FAM163A: variants seen among roughly 807,000 people sequenced by gnomAD.
FAM163A encodes the protein protein FAM163A.
A neutral mutation model predicts 12.0 loss-of-function variants in FAM163A; 7 were observed. The observed-to-expected ratio is 0.58, with a 90% CI of 0.33 to 1.10. The LOEUF is 1.10. Among genes scored for constraint, FAM163A ranks in the 50% least tolerant of loss-of-function variants. The pLI is 0.03. For missense variants in FAM163A, 202 were observed against 218.6 expected (o/e 0.92, Z 0.48); for synonymous variants, 101 against 91.0 (o/e 1.11, Z -0.62).
At chr1:179,787,152 A>G (rs1020330569) in intron 1 of FAM163A, among the ~76,000 whole-genome samples, 1 of 152,262 alleles carries the variant, frequency 6.6e-6, no homozygotes, top group African/African-American at 2.4e-5. Flanking sequence ...AACAAGTGGT[A>G]TCAGACCCAA....
Position 179,807,876 on chromosome 1 carries a change from C to T in FAM163A, c.-57C>T, listed in dbSNP as rs1694173333. The T allele has an allele frequency of 6.6e-6, 1 of 152,336 alleles. No homozygotes were observed. The highest frequency in any genetic ancestry group is 2.4e-5 in the African/African-American group (1 of 41,468). The allele number at this position is 152,336 out of a possible 1,614,324, so 9.4% of individuals were successfully genotyped here. A position where few individuals can be genotyped will look rare whatever the true frequency, so the allele number is the denominator to read the frequency against. ...CCCGCGTGACTGAGTCACCGCTGCT[C>T]CAGCTGTTTCACGTAAGTGTAAGGC... On this transcript the variant is annotated 5_prime_UTR_variant, in exon 2 of 5. Transcript: ENST00000341785.
chr1:179,731,378 C>T, the FAM163A span, among the ~76,000 whole-genome samples: 3 of 151,838 alleles, frequency 2.0e-5, no homozygotes, highest in Non-Finnish European at 4.4e-5. Context: ...GCGAACAAAC[C>T]ATTTCTGATG....
At chr1:179,733,320 A>G in the FAM163A span, among the ~76,000 whole-genome samples, 209 of 152,300 alleles carry the variant, frequency 1.4e-3, no homozygotes, top group African/African-American at 4.9e-3. Context: ...TCATTTGCCT[A>G]TTGACCATAT....
chr1:179,785,112 G>A (rs1449645140), intron 1 of FAM163A, among the ~76,000 whole-genome samples: 2 of 152,154 alleles, frequency 1.3e-5, no homozygotes, highest in African/African-American at 2.4e-5. Flanking sequence ...AATTCAGTGC[G>A]TCAGGAAGGC....
In FAM163A at chr1:179,757,732, A is replaced by C. The variant is rs552692524; in HGVS notation, c.-136+14309A>C. Among the ~76,000 whole-genome samples, 4 of 152,332 alleles carry C rather than the reference A, an allele frequency of 2.6e-5. No individual in the cohort carries two copies. In the South Asian group the frequency reaches 8.3e-4, roughly 32 times the overall value. ...GAGGCTGAGGCAGGAGAATCACTTG[A>C]GCCCAGGAGGTGGAGGTTGCAGTGA... is the stretch of plus-strand genomic sequence containing the variant. On this transcript the variant is annotated intron_variant, in intron 1 of 4. Coordinates refer to ENST00000341785, the MANE Select transcript of FAM163A (RefSeq NM_173509.3).
At position 179,765,221 on chromosome 1, in the gene FAM163A, C is replaced by T. The variant is rs79102559; in HGVS notation, c.-136+21798C>T. ...GTTGGCAGGATTGAGGGATGGCAGG[C>T]GGGTGGGATGTGATCTCCAAGTGCA... On this transcript the variant is annotated intron_variant, in intron 1 of 4. Transcript: ENST00000341785. Among the ~76,000 whole-genome samples the T allele has an allele frequency of 6.8e-3, 1,032 of 152,270 alleles. 33 individuals are homozygous for T. Among genetic ancestry groups the T allele is most frequent in the East Asian group, 0.047 (242 of 5,188 alleles).
intron 1 of FAM163A, among the ~76,000 whole-genome samples, chr1:179,785,170 C>A (rs1456355294): frequency 6.6e-6 from 1 of 152,162 alleles, no homozygotes; most frequent in Non-Finnish European, 1.5e-5. Context: ...CAACTCCCAC[C>A]CCCCATTCCT....
rs556499273 is a variant in FAM163A, at chr1:179,762,186, G to A, written c.-136+18763G>A. On this transcript the variant is annotated intron_variant, in intron 1 of 4. Coordinates refer to ENST00000341785, the MANE Select transcript of FAM163A (RefSeq NM_173509.3). ...AGGTCATATAATCGTATCAAGGCAG[G>A]GAGAGATAATCATGTTAGAAACCTA... 2.4e-4 allele frequency among the ~76,000 whole-genome samples: 36 copies of A among 152,312 alleles called. 1 individual carries two copies. Among genetic ancestry groups the A allele is most frequent in the Admixed American group, 1.7e-3 (26 of 15,300 alleles).
chr1:179,796,978 C>T (rs1692416783), intron 1 of FAM163A, among the ~76,000 whole-genome samples: 1 of 152,218 alleles, frequency 6.6e-6, no homozygotes, highest in Non-Finnish European at 1.5e-5. Flanking sequence ...CTGTGTATGA[C>T]ACGGGGGCTC....
intron 1 of FAM163A, among the ~76,000 whole-genome samples, chr1:179,793,635 T>C (rs1691839034): frequency 6.6e-6 from 1 of 152,228 alleles, no homozygotes; most frequent in African/African-American, 2.4e-5. Context: ...TCAGGTGTAA[T>C]GTCATAGCTC....
intron 1 of FAM163A, among the ~76,000 whole-genome samples, chr1:179,764,648 C>A (rs560288383): frequency 6.6e-6 from 1 of 152,138 alleles, no homozygotes; most frequent in South Asian, 2.1e-4. Context: ...GATGGTTGTT[C>A]GCCCTAGAGG....
chr1:179,739,226 G>T (rs1442524566), upstream of FAM163A, among the ~76,000 whole-genome samples: 6 of 151,888 alleles, frequency 4.0e-5, no homozygotes, highest in Non-Finnish European at 8.8e-5. Context: ...AAAAAAATTG[G>T]AGAAAACCTT....
intron 1 of FAM163A, among the ~76,000 whole-genome samples, chr1:179,793,914 A>G (rs3845386): frequency 0.39 from 59,168 of 151,978 alleles, 12,009 homozygotes; most frequent in Middle Eastern, 0.49. Flanking sequence ...TGAGTATGGG[A>G]CATTATTTGT....
intron 1 of FAM163A, among the ~76,000 whole-genome samples, chr1:179,777,651 C>G (rs1051255592): frequency 6.6e-6 from 1 of 152,224 alleles, no homozygotes; most frequent in Non-Finnish European, 1.5e-5. Flanking sequence ...TGTTAGTCCT[C>G]AGACTCCCCT....
At chr1:179,803,942 G>C (rs1485453819) in intron 1 of FAM163A, 2 of 148,096 alleles carry the variant, frequency 1.4e-5, no homozygotes, top group East Asian at 4.0e-4. Context: ...TTCTTCTTAG[G>C]CTTCCCCCTC....
intron 1 of FAM163A, among the ~76,000 whole-genome samples, chr1:179,746,331 AG>A (rs2147952953): frequency 6.6e-6 from 1 of 152,386 alleles, no homozygotes; most frequent in South Asian, 2.1e-4. Context: ...GAACTGTGAA[AG>A]AACAACTTAC....
chr1:179,789,183 A>ATT (rs71297879), intron 1 of FAM163A, among the ~76,000 whole-genome samples: 1 of 151,650 alleles, frequency 6.6e-6, no homozygotes, highest in Non-Finnish European at 1.5e-5. Flanking sequence ...AGGAGACTAG[A>ATT]TTTTTTTTTC....
At chr1:179,797,443 ACT>A (rs1692487269) in intron 1 of FAM163A, among the ~76,000 whole-genome samples, 1 of 151,842 alleles carries the variant, frequency 6.6e-6, no homozygotes, top group Non-Finnish European at 1.5e-5. Flanking sequence ...CAAGAGAAAA[ACT>A]CTGTCTCAAA....
At chr1:179,741,190 A>T (rs1376187274), upstream of FAM163A, among the ~76,000 whole-genome samples, 1 of 152,244 alleles carries the variant, frequency 6.6e-6, no homozygotes, top group African/African-American at 2.4e-5. Context: ...AGAAGTGCCC[A>T]ATTTCATTGG....
Sources: gnomAD v4.1 joint callset for allele counts (sites outside exome capture counted in the v4.1 genomes callset) on GRCh38, gnomAD v4.1.1 for gene constraint, MANE v1.5 for transcripts, NCBI Gene and HGNC (gene_info 2026-07-23, HGNC 2026-07-21) for gene names.